Variants in DYNC1H1 observed in about 807,000 individuals in gnomAD.
DYNC1H1 encodes cytoplasmic dynein 1 heavy chain 1.
DYNC1H1 carries 51 observed loss-of-function variants against 527.1 expected under a neutral mutation model. That is an observed-to-expected ratio of 0.10 (90% confidence interval 0.08 to 0.12). The LOEUF (loss-of-function observed/expected upper bound fraction) is 0.12. Ranked by LOEUF, DYNC1H1 falls within the 10% of genes least tolerant of loss-of-function variation. DYNC1H1 has a pLI of 1.00. For synonymous variants in DYNC1H1, 2,189 were observed against 2,278.8 expected, an observed-to-expected ratio of 0.96 and a Z score of 1.12; for missense variants, 2,771 against 5,971.8, an observed-to-expected ratio of 0.46 and a Z score of 17.66.
intron 44 of DYNC1H1, 110 bp downstream of exon 44, chr14:102,026,817 C>T: frequency 1.3e-6 from 2 of 1,481,648 alleles, no homozygotes; most frequent in Non-Finnish European, 1.8e-6. Flanking sequence ...CCACCTCAGC[C>T]TTCTCCACCA....
Position 102,049,284 on chromosome 14 carries a change from G to A in DYNC1H1, c.13373-156G>A, listed in dbSNP as rs550722417. On this transcript the variant is annotated intron_variant, in intron 74 of 77. Coordinates refer to ENST00000360184, the MANE Select transcript of DYNC1H1 (RefSeq NM_001376.5). This position sits in a 1 kb window ranked among gnomAD's most constrained non-coding sequence, Gnocchi z 5.5. Reference sequence around the variant, plus strand: ...CTAGAGCAGATGTGGTGAGGGCGGCGCCAGGGGCATAAAGTGCAGCCTGGG... The same window carrying A: ...CTAGAGCAGATGTGGTGAGGGCGGCACCAGGGGCATAAAGTGCAGCCTGGG... 1.6e-5 allele frequency: 17 copies of A among 1,048,268 alleles called. No homozygotes were observed. The highest frequency in any genetic ancestry group is 4.2e-5 in the South Asian group (3 of 72,062). 64.9% of individuals were successfully genotyped at this position (1,048,268 alleles called of 1,614,324 possible).
chr14:102,042,402 T>C lies in DYNC1H1; in HGVS notation c.12294T>C (p.Asn4098=). The change falls in exon 68 of 78, where the codon AAT becomes AAC. Residue 4098 remains asparagine, a synonymous_variant. Transcript: ENST00000360184. The surrounding 1 kb of genome is among the most constrained non-coding windows in gnomAD (Gnocchi z 5.7). ...VKSGRWVMLK[N]VHLAPGWLMQ... ...TGTGCAGGTGGGTGATGCTGAAGAA[T>C]GTGCATCTGGCCCCAGGGTGGCTGA... 1 of 1,614,202 alleles carries C rather than the reference T, an allele frequency of 6.2e-7. No homozygotes were observed. Among genetic ancestry groups the C allele is most frequent in the South Asian group, 1.1e-5 (1 of 91,080 alleles).
rs775757476 is a variant in DYNC1H1 at position 102,047,878 on chromosome 14, C to G, written c.13068C>G (p.Ala4356=). 6.2e-7 allele frequency: 1 copy of G among 1,613,640 alleles called. No homozygotes were observed. The highest frequency in any genetic ancestry group is 1.7e-5 in the Admixed American group (1 of 59,962). The change falls in exon 73 of 78, where the codon GCC becomes GCG. Residue 4356 remains alanine (A), a synonymous_variant. Transcript: ENST00000360184. ...MQMLEDEDDL[A]YAETEKKTRT... ...TGTTGGAGGATGAGGACGACCTGGC[C>G]TACGCAGAGACTGAGAAGAAGACGA...
intron 1 of DYNC1H1, among the ~76,000 whole-genome samples, chr14:101,971,916 G>A (rs2047743193): frequency 6.6e-6 from 1 of 152,320 alleles, no homozygotes; most frequent in East Asian, 1.9e-4. Flanking sequence ...ACAAGTTGTT[G>A]TAATGTGTGT....
rs546332916 is a variant in DYNC1H1 at position 102,056,062 on chromosome 14, C to T, written c.*5499C>T. On this transcript the variant is annotated 3_prime_UTR_variant, in exon 78 of 78. Transcript: ENST00000360184. ...CTCTCATATTGTTTTATACTCAGTA[C>T]CTGTTTTAAGAAAAAAACGAAGTGA... 1 of 152,216 alleles carries T rather than the reference C, an allele frequency of 6.6e-6. No homozygotes were observed. Among genetic ancestry groups the T allele is most frequent in the Non-Finnish European group, 1.5e-5 (1 of 68,054 alleles). The allele number at this position is 152,216 out of a possible 1,614,324, so 9.4% of individuals were successfully genotyped here. A position where few individuals can be genotyped will look rare whatever the true frequency, so the allele number is the denominator to read the frequency against.
At chr14:102,030,442 G>C in intron 51 of DYNC1H1, 160 bp downstream of exon 51, 1 of 1,068,972 alleles carries the variant, frequency 9.4e-7, no homozygotes, top group Non-Finnish European at 1.3e-6. Flanking sequence ...CTGAATGCTT[G>C]AGATTGTCTT....
intron 29 of DYNC1H1, among the ~76,000 whole-genome samples, chr14:102,008,773 G>A (rs1056148884): frequency 6.6e-6 from 1 of 152,130 alleles, no homozygotes; most frequent in Non-Finnish European, 1.5e-5. Context: ...AGGCAACAGA[G>A]CAAAACTGTT....
rs1279451714 is a variant in DYNC1H1 at position 102,044,165 on chromosome 14, A to G, written c.12685-109A>G. ...GCGAGCTGACCCCTCGTGACCGCCAAAGCCTAGCTGGCCATGGGGAGTGAG... is the reference window on the plus strand; with the variant it reads ...GCGAGCTGACCCCTCGTGACCGCCAGAGCCTAGCTGGCCATGGGGAGTGAG... On this transcript the variant is annotated intron_variant, in intron 70 of 77. Transcript: ENST00000360184. The surrounding 1 kb of genome is among the most constrained non-coding windows in gnomAD (Gnocchi z 7.1). The G allele has an allele frequency of 1.2e-5, 19 of 1,583,054 alleles. No homozygotes were observed. The highest frequency in any genetic ancestry group is 1.6e-5 in the Non-Finnish European group (19 of 1,166,446).
In DYNC1H1 at chr14:102,020,349, A is replaced by T. The variant is rs2048370697; in HGVS notation, c.8507+293A>T. Among the ~76,000 whole-genome samples, 4 of 151,960 alleles carry T rather than the reference A, an allele frequency of 2.6e-5. No individual in the cohort carries two copies. In the South Asian group the frequency reaches 8.3e-4, roughly 32 times the overall value. ...GAACAGGGTACTTTTTTTTTTAAAG[A>T]TACATCATAGAAGTCAAAAAACGGG... On this transcript the variant is annotated intron_variant, in intron 42 of 77. Transcript: ENST00000360184. The surrounding 1 kb of genome is among the most constrained non-coding windows in gnomAD (Gnocchi z 4.3).
rs2048538628 is a variant in DYNC1H1 at position 102,033,812 on chromosome 14, TTA to T, written c.10414-158_10414-157del. The T allele has an allele frequency of 7.8e-6, 6 of 766,876 alleles. No individual in the cohort carries two copies. Among genetic ancestry groups the T allele is most frequent in the Non-Finnish European group, 1.3e-5 (6 of 460,992 alleles). The allele number at this position is 766,876 out of a possible 1,614,324, so 47.5% of individuals were successfully genotyped here. A position where few individuals can be genotyped will look rare whatever the true frequency, so the allele number is the denominator to read the frequency against. On this transcript the variant is annotated intron_variant, in intron 54 of 77. Coordinates refer to ENST00000360184, the MANE Select transcript of DYNC1H1 (RefSeq NM_001376.5). The surrounding 1 kb of genome is among the most constrained non-coding windows in gnomAD (Gnocchi z 5.6). ...ATTCTGAGTCGTGTGTGGTCATTAGTTATATATGATCTGGGTCTCATCTCCTC... is the reference window on the plus strand; with the variant it reads ...ATTCTGAGTCGTGTGTGGTCATTAGTTATATGATCTGGGTCTCATCTCCTC...
Position 101,965,814 on chromosome 14 carries a change from A to AT in DYNC1H1, c.256+869dup, listed in dbSNP as rs1188728473. Among the ~76,000 whole-genome samples, 3 of 141,380 alleles carry AT rather than the reference A, an allele frequency of 2.1e-5. No homozygotes were observed. The highest frequency in any genetic ancestry group is 8.8e-5 in the African/African-American group (3 of 34,168). The allele number at this position is 141,380 out of a possible 152,430, so 92.8% of individuals were successfully genotyped here. A position where few individuals can be genotyped will look rare whatever the true frequency, so the allele number is the denominator to read the frequency against. ...GTAATATTTGAGTCTAATTTTACAG[A>AT]TTAAAAAAAAAAAAAAAGATTCAGG... is the stretch of plus-strand genomic sequence containing the variant. On this transcript the variant is annotated intron_variant, in intron 1 of 77. Transcript: ENST00000360184. The surrounding 1 kb of genome is among the most constrained non-coding windows in gnomAD (Gnocchi z 4.1).
chr14:101,978,951 G>T (rs958536988), intron 2 of DYNC1H1, among the ~76,000 whole-genome samples: 3 of 152,194 alleles, frequency 2.0e-5, no homozygotes, highest in Admixed American at 2.0e-4. Context: ...ACTAAGGGGA[G>T]CCTGGAATGG....
At position 102,047,808 on chromosome 14, in the gene DYNC1H1, G is replaced by A. The variant is rs2152600105; in HGVS notation, c.13007-9G>A. 2 of 1,613,032 alleles carry A rather than the reference G, an allele frequency of 1.2e-6. No individual in the cohort carries two copies. The highest frequency in any genetic ancestry group is 1.6e-4 in the Middle Eastern group (1 of 6,062). On this transcript the variant is annotated splice_polypyrimidine_tract_variant and intron_variant, in intron 72 of 77. Coordinates refer to ENST00000360184, the MANE Select transcript of DYNC1H1 (RefSeq NM_001376.5). The stretch of plus-strand genomic sequence containing the variant: ...TCCTTCCTGCTGCGACTGTGGGACT[G>A]TGGCCCAGGTGTGGACATGATCAGT...
In DYNC1H1 at chr14:102,050,648, T is replaced by C; in HGVS notation, c.*85T>C. On this transcript the variant is annotated 3_prime_UTR_variant, in exon 78 of 78. Coordinates refer to ENST00000360184, the MANE Select transcript of DYNC1H1 (RefSeq NM_001376.5). The stretch of plus-strand genomic sequence containing the variant: ...TTAAAATATTTGGAAGGTCTGAGCT[T>C]GTGAAAAGAAAGTGGTTGGTCTGAG... The C allele has an allele frequency of 1.2e-6, 2 of 1,606,754 alleles. No homozygotes were observed. Among genetic ancestry groups the C allele is most frequent in the South Asian group, 2.2e-5 (2 of 90,416 alleles).
chr14:102,005,769 C>T lies in DYNC1H1; in HGVS notation c.5434-119C>T. On this transcript the variant is annotated intron_variant, in intron 26 of 77. Coordinates refer to ENST00000360184, the MANE Select transcript of DYNC1H1 (RefSeq NM_001376.5). The surrounding 1 kb of genome is among the most constrained non-coding windows in gnomAD (Gnocchi z 4.0). ...GTGAATTTGCCTTTTGGAACATTTA[C>T]TGAAAGCCATTGTAACTGGACCTAG... The T allele has an allele frequency of 7.8e-7, 1 of 1,287,074 alleles. No homozygotes were observed. Among genetic ancestry groups the T allele is most frequent in the Non-Finnish European group, 1.1e-6 (1 of 895,102 alleles). The allele number at this position is 1,287,074 out of a possible 1,614,324, so 79.7% of individuals were successfully genotyped here.
At chr14:102,026,917 G>A in intron 44 of DYNC1H1, 1 of 797,746 alleles carries the variant, frequency 1.3e-6, no homozygotes, top group Non-Finnish European at 2.0e-6. Flanking sequence ...CCCCAGCACT[G>A]CATACCTGCC....
At position 102,018,651 on chromosome 14, in the gene DYNC1H1, T is replaced by G. The variant is rs1005347598; in HGVS notation, c.8343+35T>G. The G allele has an allele frequency of 1.8e-5, 29 of 1,610,222 alleles. No homozygotes were observed. Among genetic ancestry groups the G allele is most frequent in the Non-Finnish European group, 2.2e-5 (26 of 1,179,374 alleles). ...GTTTCTTTGCTCTTCCAGAAATTGTTTTCCTCTCATAATTAAGGCACTCGA... is the reference window on the plus strand; with the variant it reads ...GTTTCTTTGCTCTTCCAGAAATTGTGTTCCTCTCATAATTAAGGCACTCGA... On this transcript the variant is annotated intron_variant, in intron 41 of 77. Transcript: ENST00000360184. This position sits in a 1 kb window ranked among gnomAD's most constrained non-coding sequence, Gnocchi z 5.2.
In DYNC1H1 at chr14:102,016,411, A is replaced by G. The variant is rs755913701; in HGVS notation, c.7536A>G (p.Ala2512=). Residue 2512 remains alanine, a synonymous_variant, in exon 37 of 78, where the codon GCA becomes GCG. Transcript: ENST00000360184. This position sits in a 1 kb window ranked among gnomAD's most constrained non-coding sequence, Gnocchi z 7.3. Reference sequence around the variant, plus strand: ...GAGACAGCCGGCTAAAAATGAGAGCAGAGCTGGGTGAATACATCAGAAGAA... The same window carrying G: ...GAGACAGCCGGCTAAAAATGAGAGCGGAGCTGGGTGAATACATCAGAAGAA... ...LSGDSRLKMR[A]ELGEYIRRIT... 6.2e-7 allele frequency: 1 copy of G among 1,614,068 alleles called. No individual in the cohort carries two copies. Among genetic ancestry groups the G allele is most frequent in the Non-Finnish European group, 8.5e-7 (1 of 1,180,034 alleles).
intron 23 of DYNC1H1, 149 bp downstream of exon 23, chr14:102,003,114 C>G: frequency 9.1e-7 from 1 of 1,093,122 alleles, no homozygotes; most frequent in Non-Finnish European, 1.3e-6. Context: ...GATTACCATT[C>G]CCTTCCCTGT....
Sources: allele counts gnomAD v4.1 joint callset (sites outside exome capture counted in the v4.1 genomes callset), GRCh38; gene constraint gnomAD v4.1.1; non-coding constraint Gnocchi (gnomAD v3.1); transcripts MANE v1.5; gene names NCBI Gene and HGNC (gene_info 2026-07-23, HGNC 2026-07-21).